MYOCD: variants seen among roughly 807,000 people sequenced by gnomAD.
The protein encoded by MYOCD is myocardin.
Under a neutral mutation model 96.1 loss-of-function variants are expected in MYOCD, and 32 were observed. The observed-to-expected ratio is 0.33, with a 90% CI of 0.25 to 0.45. MYOCD has a LOEUF of 0.45. Ranked by LOEUF, MYOCD falls within the 20% of genes least tolerant of loss-of-function variation. MYOCD has a pLI of 1.00. For missense variants in MYOCD, 1,133 were observed against 1,200.6 expected, an observed-to-expected ratio of 0.94 and a Z score of 0.83; for synonymous variants, 469 against 469.0, an observed-to-expected ratio of 1.00 and a Z score of 0.00.
rs1329160512 is a variant in MYOCD, at chr17:12,721,053, CTAAG to C, written c.254-1791_254-1788del. Among the ~76,000 whole-genome samples, 13 of 148,474 alleles carry C rather than the reference CTAAG, an allele frequency of 8.8e-5. No individual in the cohort carries two copies. In the East Asian group the frequency reaches 2.6e-3, roughly 29 times the overall value. On this transcript the variant is annotated intron_variant, in intron 4 of 13. Transcript: ENST00000425538. ...AAAAAAAAAAAAAAAATAGGTGACT[CTAAG>C]TAGGGATTTTCCTGAAGCCTTCATT...
intron 3 of MYOCD, 74 bp from the exon 4 acceptor site, chr17:12,717,272 T>G: frequency 9.5e-7 from 1 of 1,049,650 alleles, no homozygotes; most frequent in Non-Finnish European, 1.4e-6. Flanking sequence ...TTTAAAAGGT[T>G]ATTTTCTCCT....
At chr17:12,754,836 G>A (rs539313724) in intron 10 of MYOCD, among the ~76,000 whole-genome samples, 1 of 152,346 alleles carries the variant, frequency 6.6e-6, no homozygotes, top group South Asian at 2.1e-4. Flanking sequence ...ATGTCTATGA[G>A]TAATCTCAGT....
intron 9 of MYOCD, 59 bp from the exon 10 acceptor site, chr17:12,752,352 TGAA>T: frequency 2.2e-6 from 3 of 1,390,250 alleles, no homozygotes; most frequent in Non-Finnish European, 2.9e-6. Context: ...AATTGTATAA[TGAA>T]TACACTTTTA....
chr17:12,718,433 A>C (rs1337173696), intron 4 of MYOCD, among the ~76,000 whole-genome samples: 1 of 152,216 alleles, frequency 6.6e-6, no homozygotes, highest in African/African-American at 2.4e-5. Flanking sequence ...CAAGGCCTGC[A>C]TGCTATTTCT....
rs957161133 is a variant in MYOCD at position 12,751,266 on chromosome 17, C to T, written c.1126-1148C>T. 2.6e-5 allele frequency among the ~76,000 whole-genome samples: 4 copies of T among 151,412 alleles called. No homozygotes were observed. In the East Asian group the frequency reaches 5.8e-4, roughly 22 times the overall value. Reference sequence around the variant, plus strand: ...TTTATCTGGATTTTTCATATGCAAACATAGGTTCAAATATATATATGTATA... The same window carrying T: ...TTTATCTGGATTTTTCATATGCAAATATAGGTTCAAATATATATATGTATA... On this transcript the variant is annotated intron_variant, in intron 9 of 13. Transcript: ENST00000425538.
At chr17:12,671,238 A>G (rs955677136) in intron 1 of MYOCD, among the ~76,000 whole-genome samples, 3 of 152,202 alleles carry the variant, frequency 2.0e-5, no homozygotes, top group African/African-American at 7.2e-5. Context: ...GAAGGAACCC[A>G]TTAAATATAT....
chr17:12,741,511 C>T (rs2032508263), intron 7 of MYOCD, among the ~76,000 whole-genome samples: 1 of 152,088 alleles, frequency 6.6e-6, no homozygotes, highest in Admixed American at 6.5e-5. Context: ...AGTTCGAGAC[C>T]AGCCTGGCCA....
At position 12,763,789 on chromosome 17, in the gene MYOCD, A is replaced by C. The variant is rs2033258510; in HGVS notation, c.*145A>C. On this transcript the variant is annotated 3_prime_UTR_variant, in exon 14 of 14. Transcript: ENST00000425538. The stretch of plus-strand genomic sequence containing the variant: ...GATTTCTGTGCCAATGAACAAGAAC[A>C]AAAGTCATTTTTAGAAATACATATA... 1.3e-6 allele frequency: 1 copy of C among 741,986 alleles called. No individual in the cohort carries two copies. Among genetic ancestry groups the C allele is most frequent in the Non-Finnish European group, 2.1e-6 (1 of 478,940 alleles). 46.0% of individuals were successfully genotyped at this position (741,986 alleles called of 1,614,324 possible).
intron 9 of MYOCD, among the ~76,000 whole-genome samples, chr17:12,750,494 G>A (rs1307909453): frequency 6.6e-6 from 1 of 152,094 alleles, no homozygotes; most frequent in Admixed American, 6.5e-5. Flanking sequence ...TTCCAGACCA[G>A]CCTGGCCAAC....
chr17:12,679,114 A>G (rs960111230), intron 1 of MYOCD, among the ~76,000 whole-genome samples: 5 of 152,206 alleles, frequency 3.3e-5, no homozygotes, highest in Admixed American at 6.5e-5. Context: ...TGCGCAGCCC[A>G]AGGGAACATG....
chr17:12,763,453 A>T lies in MYOCD; in HGVS notation c.2770A>T (p.Asn924Tyr), dbSNP rs1292775144. ...TQFSPSSVDS[N>Y]GLQLSFTESP... The stretch of plus-strand genomic sequence containing the variant: ...GTTTTCACCCTCTTCTGTGGACAGC[A>T]ATGGGCTGCAGTTAAGCTTCACTGA... Residue 924 changes from asparagine (N) to tyrosine (Y), a missense_variant, in exon 14 of 14, where the codon AAT becomes TAT. Asn to Tyr is a moderately radical substitution (Grantham distance 143). Transcript: ENST00000425538. 1 of 1,614,102 alleles carries T rather than the reference A, an allele frequency of 6.2e-7. No homozygotes were observed. Among genetic ancestry groups the T allele is most frequent in the Admixed American group, 1.7e-5 (1 of 60,014 alleles).
intron 2 of MYOCD, among the ~76,000 whole-genome samples, chr17:12,708,783 G>A (rs1224748923): frequency 1.3e-5 from 2 of 152,128 alleles, no homozygotes; most frequent in East Asian, 1.9e-4. Flanking sequence ...TTATCCCCTG[G>A]ATAACATGCA....
chr17:12,698,781 T>C (rs375904045), intron 1 of MYOCD, among the ~76,000 whole-genome samples: 86 of 130,410 alleles, frequency 6.6e-4, no homozygotes, highest in African/African-American at 2.1e-3. Flanking sequence ...CTGGCTCTGT[T>C]GCCCAGGCTG....
At chr17:12,714,544 T>C (rs991916181) in intron 2 of MYOCD, among the ~76,000 whole-genome samples, 3 of 152,192 alleles carry the variant, frequency 2.0e-5, no homozygotes, top group South Asian at 2.1e-4. Context: ...TAACTGCTAA[T>C]CAACCTCATC....
chr17:12,700,245 A>C (rs1166386607), intron 1 of MYOCD, among the ~76,000 whole-genome samples: 3 of 151,606 alleles, frequency 2.0e-5, no homozygotes, highest in Non-Finnish European at 4.4e-5. Context: ...CATGTCCCCA[A>C]ACTCTTCTAA....
At position 12,730,405 on chromosome 17, in the gene MYOCD, G is replaced by A. The variant is rs377722031; in HGVS notation, c.416-5756G>A. Among the ~76,000 whole-genome samples, 7 of 148,880 alleles carry A rather than the reference G, an allele frequency of 4.7e-5. No homozygotes were observed. The East Asian group carries it at 1.2e-3, about 25-fold the overall frequency. ...GGAAGTTGCAGTGAGCCAAGATCGC[G>A]TCACTGCACTCCAGCTTGGGCGATG... is the stretch of plus-strand genomic sequence containing the variant. On this transcript the variant is annotated intron_variant, in intron 5 of 13. Coordinates refer to ENST00000425538, the MANE Select transcript of MYOCD (RefSeq NM_001146312.3).
rs1213790089 is a variant in MYOCD at position 12,695,232 on chromosome 17, C to T, written c.56-9896C>T. On this transcript the variant is annotated intron_variant, in intron 1 of 13. Transcript: ENST00000425538. ...TTAAAGCTACAGGCAGGCTTGGTGT[C>T]TGATGAGGGCCCCTTTCCTAGTTCA... Among the ~76,000 whole-genome samples, 6 of 152,278 alleles carry T rather than the reference C, an allele frequency of 3.9e-5. 1 individual carries two copies. The highest frequency in any genetic ancestry group is 3.9e-4 in the Admixed American group (6 of 15,292).
intron 5 of MYOCD, among the ~76,000 whole-genome samples, chr17:12,725,502 T>A (rs1213428916): frequency 6.7e-6 from 1 of 148,514 alleles, no homozygotes; most frequent in African/African-American, 2.4e-5. Context: ...ATCATATAGA[T>A]GTTTATCTTA....
chr17:12,737,564 T>C (rs12451564), intron 6 of MYOCD, among the ~76,000 whole-genome samples: 2,380 of 152,150 alleles, frequency 0.016, 104 homozygotes, highest in Admixed American at 0.1. Flanking sequence ...GGGAAGGAGA[T>C]GCGTAAGTGT....
Sources: allele counts gnomAD v4.1 joint callset (sites outside exome capture counted in the v4.1 genomes callset), GRCh38; gene constraint gnomAD v4.1.1; transcripts MANE v1.5; gene names NCBI Gene and HGNC (gene_info 2026-07-23, HGNC 2026-07-21).